Variants in GABRA2 observed in about 807,000 individuals in gnomAD.
GABRA2 encodes gamma-aminobutyric acid type A receptor subunit alpha2.
Under a neutral mutation model 48.7 loss-of-function variants are expected in GABRA2, and 16 were observed. That is an observed-to-expected ratio of 0.33 (90% CI 0.22 to 0.50). The LOEUF is 0.50. Among genes scored for constraint, GABRA2 ranks in the 20% least tolerant of loss-of-function variants. The pLI, the probability that GABRA2 is intolerant of heterozygous loss-of-function variation, is 0.98. For synonymous variants in GABRA2, 185 were observed against 184.5 expected, an observed-to-expected ratio of 1.00 and a Z score of -0.02; for missense variants, 275 against 535.6, an observed-to-expected ratio of 0.51 and a Z score of 4.80.
intron 8 of GABRA2, among the ~76,000 whole-genome samples, chr4:46,278,734 C>T (rs2109449525): frequency 6.6e-6 from 1 of 152,132 alleles, no homozygotes; most frequent in Admixed American, 6.5e-5. Context: ...TATGAAGAAG[C>T]ATGGCTTTCA....
intron 3 of GABRA2, among the ~76,000 whole-genome samples, chr4:46,384,661 C>T (rs1717206040): frequency 6.6e-6 from 1 of 152,116 alleles, no homozygotes; most frequent in African/African-American, 2.4e-5. Context: ...TGCCTTAGTG[C>T]AATATGCCTC....
chr4:46,373,479 A>G (rs1715244385), intron 3 of GABRA2, among the ~76,000 whole-genome samples: 1 of 152,204 alleles, frequency 6.6e-6, no homozygotes, highest in Non-Finnish European at 1.5e-5. Context: ...ATGTACTGGA[A>G]CAGTAATAAG....
At chr4:46,271,485 A>G (rs1175389084) in intron 8 of GABRA2, among the ~76,000 whole-genome samples, 5 of 152,034 alleles carry the variant, frequency 3.3e-5, no homozygotes, top group Non-Finnish European at 7.4e-5. Context: ...ATTTACAAAT[A>G]CAACCTCAGC....
chr4:46,348,319 T>C (rs1021182917), intron 3 of GABRA2, among the ~76,000 whole-genome samples: 4 of 152,130 alleles, frequency 2.6e-5, no homozygotes, highest in African/African-American at 9.6e-5. Context: ...ACTTTTACAC[T>C]GTTGGTGGGA....
In GABRA2 at chr4:46,248,601, C is replaced by A. The variant is rs1191635004; in HGVS notation, c.*1707G>T. 6.6e-6 allele frequency: 1 copy of A among 151,324 alleles called. No individual in the cohort carries two copies. The highest frequency in any genetic ancestry group is 1.5e-5 in the Non-Finnish European group (1 of 67,564). 9.4% of individuals were successfully genotyped at this position (151,324 alleles called of 1,614,324 possible). On this transcript the variant is annotated 3_prime_UTR_variant, in exon 10 of 10. Coordinates refer to ENST00000381620, the MANE Select transcript of GABRA2 (RefSeq NM_000807.4). ...AAGCATGCAAAGCATATAATAGAAT[C>A]ACATGGAAACAAAGAAATTTTAAAA...
intron 8 of GABRA2, among the ~76,000 whole-genome samples, chr4:46,264,353 A>G (rs979997701): frequency 5.9e-5 from 9 of 152,190 alleles, no homozygotes; most frequent in African/African-American, 2.2e-4. Flanking sequence ...CTGTAGTATA[A>G]CGTTGAATAG....
intron 3 of GABRA2, among the ~76,000 whole-genome samples, chr4:46,362,607 T>A (rs1713389728): frequency 6.6e-6 from 1 of 152,170 alleles, no homozygotes; most frequent in Non-Finnish European, 1.5e-5. Flanking sequence ...AAAGCTCAGG[T>A]TGGAAATAGA....
chr4:46,286,440 T>C (rs1722555962), intron 8 of GABRA2, among the ~76,000 whole-genome samples: 1 of 152,118 alleles, frequency 6.6e-6, no homozygotes, highest in Non-Finnish European at 1.5e-5. Context: ...GAACATATAT[T>C]TTTATTAATC....
intron 3 of GABRA2, among the ~76,000 whole-genome samples, chr4:46,348,763 CG>C (rs1414354162): frequency 1.9e-4 from 19 of 102,078 alleles, no homozygotes; most frequent in African/African-American, 6.9e-4. Context: ...CATCACACTC[CG>C]GGGACTGTTG....
At chr4:46,324,674 C>T (rs768695515) in intron 4 of GABRA2, among the ~76,000 whole-genome samples, 42 of 151,578 alleles carry the variant, frequency 2.8e-4, no homozygotes, top group Non-Finnish European at 7.4e-5. Context: ...TTTTGTCACC[C>T]GGGTAGTGAA....
chr4:46,330,591 T>TATATATATATAGAGAGAGAG (rs1411755120), intron 4 of GABRA2, among the ~76,000 whole-genome samples: 41 of 122,674 alleles, frequency 3.3e-4, no homozygotes, highest in East Asian at 9.2e-4. Context: ...TATATATATA[T>TATATATATATAGAGAGAGAG]AGAGAGAGAG....
chr4:46,250,030 T>C lies in GABRA2; in HGVS notation c.*278A>G, dbSNP rs768854733. On this transcript the variant is annotated 3_prime_UTR_variant, in exon 10 of 10. Coordinates refer to ENST00000381620, the MANE Select transcript of GABRA2 (RefSeq NM_000807.4). ...CCCATTTTCATCTCATTTGGAAGAATAGGAAATTAATCAGGTCACTTGAAA... is the reference window on the plus strand; with the variant it reads ...CCCATTTTCATCTCATTTGGAAGAACAGGAAATTAATCAGGTCACTTGAAA... 1.6e-5 allele frequency: 5 copies of C among 310,840 alleles called. No homozygotes were observed. Among genetic ancestry groups the C allele is most frequent in the Admixed American group, 9.3e-5 (2 of 21,618 alleles). The allele number at this position is 310,840 out of a possible 1,614,324, so 19.3% of individuals were successfully genotyped here.
chr4:46,379,122 T>A (rs1350316428), intron 3 of GABRA2, among the ~76,000 whole-genome samples: 1 of 152,176 alleles, frequency 6.6e-6, no homozygotes, highest in African/African-American at 2.4e-5. Flanking sequence ...CACAGTGAGG[T>A]GTATGCAGAA....
intron 4 of GABRA2, among the ~76,000 whole-genome samples, chr4:46,330,392 T>C (rs2109800603): frequency 6.6e-6 from 1 of 151,654 alleles, no homozygotes; most frequent in South Asian, 2.1e-4. Flanking sequence ...TCCCAAAGAG[T>C]GGTCACAACA....
chr4:46,284,421 G>C (rs1238946701), intron 8 of GABRA2, among the ~76,000 whole-genome samples: 1 of 152,186 alleles, frequency 6.6e-6, no homozygotes, highest in Non-Finnish European at 1.5e-5. Flanking sequence ...ACCATGAAGG[G>C]AGCTGGGCTT....
intron 9 of GABRA2, among the ~76,000 whole-genome samples, chr4:46,253,214 C>T (rs1715153270): frequency 1.3e-5 from 2 of 151,256 alleles, no homozygotes; most frequent in Non-Finnish European, 1.5e-5. Flanking sequence ...AAACCCTATA[C>T]TAATTTTAAC....
intron 3 of GABRA2, among the ~76,000 whole-genome samples, chr4:46,338,710 A>C (rs1349766297): frequency 6.6e-6 from 1 of 151,986 alleles, no homozygotes; most frequent in African/African-American, 2.4e-5. Flanking sequence ...TTTCCCATTA[A>C]AAAAGATTAT....
intron 3 of GABRA2, among the ~76,000 whole-genome samples, chr4:46,378,399 C>T (rs1190709704): frequency 6.6e-6 from 1 of 151,998 alleles, no homozygotes; most frequent in African/African-American, 2.4e-5. Context: ...TGTATCCACT[C>T]AGGGTTGAAT....
chr4:46,380,988 T>A, intron 3 of GABRA2, among the ~76,000 whole-genome samples: 1 of 152,188 alleles, frequency 6.6e-6, no homozygotes, highest in Admixed American at 6.5e-5. Flanking sequence ...TAAAGCATCT[T>A]CAAGGTTTCA....
Sources: allele counts gnomAD v4.1 joint callset (sites outside exome capture counted in the v4.1 genomes callset), GRCh38; gene constraint gnomAD v4.1.1; transcripts MANE v1.5; gene names NCBI Gene and HGNC (gene_info 2026-07-23, HGNC 2026-07-21).